WWC2: variants seen among roughly 807,000 people sequenced by gnomAD.
WWC2 encodes protein WWC2.
A neutral mutation model predicts 138.5 loss-of-function variants in WWC2; 101 were observed. That is an observed-to-expected ratio of 0.73 (90% CI 0.62 to 0.86). WWC2 has a LOEUF of 0.86. Among genes scored for constraint, WWC2 ranks in the 40% least tolerant of loss-of-function variants. The pLI, the probability that WWC2 is intolerant of heterozygous loss-of-function variation, is 0.00. For missense variants in WWC2, 1,420 were observed against 1,419.4 expected, an observed-to-expected ratio of 1.00 and a Z score of -0.01; for synonymous variants, 558 against 538.4, an observed-to-expected ratio of 1.04 and a Z score of -0.50.
chr4:183,155,400 G>C (rs1733777658), intron 1 of WWC2, among the ~76,000 whole-genome samples: 2 of 152,092 alleles, frequency 1.3e-5, no homozygotes, highest in African/African-American at 2.4e-5. Flanking sequence ...GGAGGCCTTG[G>C]ATATTGAGAG....
intron 15 of WWC2, 37 bp downstream of exon 15, chr4:183,269,200 T>C (rs1737616184): frequency 2.0e-6 from 3 of 1,495,872 alleles, no homozygotes; most frequent in Non-Finnish European, 2.7e-6. Flanking sequence ...CAAATAGCAC[T>C]TAGATTGGGT....
chr4:183,254,017 A>T lies in WWC2; in HGVS notation c.1196+18A>T, dbSNP rs1256013002. ...GCCGAGAGGTTTGTTTTCCTTCTGG[A>T]AATAGGGCAGCTTAACTCTTGTGGG... On this transcript the variant is annotated intron_variant, in intron 9 of 22. Coordinates refer to ENST00000403733, the MANE Select transcript of WWC2 (RefSeq NM_024949.6). 1 of 1,608,916 alleles carries T rather than the reference A, an allele frequency of 6.2e-7. No individual in the cohort carries two copies. Among genetic ancestry groups the T allele is most frequent in the Non-Finnish European group, 8.5e-7 (1 of 1,177,786 alleles).
intron 4 of WWC2, among the ~76,000 whole-genome samples, chr4:183,230,413 A>T (rs1259601034): frequency 6.6e-6 from 1 of 152,268 alleles, no homozygotes; most frequent in African/African-American, 2.4e-5. Flanking sequence ...ACAGTGGCTC[A>T]CACCTGTAAT....
chr4:183,291,892 A>G (rs1386551873), intron 21 of WWC2, among the ~76,000 whole-genome samples: 4 of 152,184 alleles, frequency 2.6e-5, no homozygotes, highest in Admixed American at 6.5e-5. Context: ...AAAGAATGTT[A>G]TAAAACTAAT....
chr4:183,222,547 T>A (rs557455554), intron 4 of WWC2, among the ~76,000 whole-genome samples: 3 of 152,204 alleles, frequency 2.0e-5, no homozygotes, highest in Non-Finnish European at 2.9e-5. Context: ...AAAGATATTT[T>A]AAAAAATAGA....
intron 1 of WWC2, among the ~76,000 whole-genome samples, chr4:183,157,506 A>G (rs1342554940): frequency 6.6e-6 from 1 of 151,740 alleles, no homozygotes; most frequent in African/African-American, 2.4e-5. Flanking sequence ...ATTTTTTTTT[A>G]TATATTTATT....
At chr4:183,217,655 G>GT (rs1400091167) in intron 4 of WWC2, among the ~76,000 whole-genome samples, 1 of 151,896 alleles carries the variant, frequency 6.6e-6, no homozygotes, top group African/African-American at 2.4e-5. Context: ...CTATATGGGA[G>GT]TAACAGCTGA....
At chr4:183,265,438 C>T (rs948429031) in intron 12 of WWC2, among the ~76,000 whole-genome samples, 3 of 152,168 alleles carry the variant, frequency 2.0e-5, no homozygotes, top group Non-Finnish European at 4.4e-5. Flanking sequence ...TGAAATGTCT[C>T]AAGGGTGTGG....
At chr4:183,134,296 A>G (rs966373320) in intron 1 of WWC2, among the ~76,000 whole-genome samples, 1 of 148,558 alleles carries the variant, frequency 6.7e-6, no homozygotes, top group African/African-American at 2.5e-5. Context: ...ATATTTCTGT[A>G]CTTCTACTTT....
intron 21 of WWC2, among the ~76,000 whole-genome samples, chr4:183,300,282 C>T (rs1333832511): frequency 9.9e-5 from 15 of 151,984 alleles, no homozygotes; most frequent in Admixed American, 9.8e-4. Flanking sequence ...GAAAAGCATG[C>T]CGAGAGAGGA....
Position 183,316,816 on chromosome 4 carries a change from T to C in WWC2, c.*1087T>C, listed in dbSNP as rs1198690341. On this transcript the variant is annotated 3_prime_UTR_variant, in exon 23 of 23. Transcript: ENST00000403733. The stretch of plus-strand genomic sequence containing the variant: ...GGTTCTATCTATAATTTATGGTAAA[T>C]AGTTGGGAGGCAAAGGGAAGAATGT... The C allele has an allele frequency of 6.6e-6, 1 of 152,150 alleles. No individual in the cohort carries two copies. The highest frequency in any genetic ancestry group is 6.5e-5 in the Admixed American group (1 of 15,280). The allele number at this position is 152,150 out of a possible 1,614,324, so 9.4% of individuals were successfully genotyped here. A position where few individuals can be genotyped will look rare whatever the true frequency, so the allele number is the denominator to read the frequency against.
At chr4:183,250,863 G>A (rs976493058) in intron 8 of WWC2, among the ~76,000 whole-genome samples, 19 of 152,160 alleles carry the variant, frequency 1.2e-4, no homozygotes, top group Non-Finnish European at 4.4e-5. Context: ...ACCAGATATT[G>A]AAGTATATTC....
At chr4:183,295,274 C>G (rs976395127) in intron 21 of WWC2, among the ~76,000 whole-genome samples, 1 of 152,204 alleles carries the variant, frequency 6.6e-6, no homozygotes, top group Non-Finnish European at 1.5e-5. Flanking sequence ...ATGTTCCATC[C>G]AACCTTGGAG....
chr4:183,125,387 T>C (rs1364765419), intron 1 of WWC2, among the ~76,000 whole-genome samples: 1 of 152,248 alleles, frequency 6.6e-6, no homozygotes. Context: ...TGTAATACTT[T>C]AAGTAAATTC....
At position 183,141,618 on chromosome 4, in the gene WWC2, T is replaced by C. The variant is rs75195959; in HGVS notation, c.131+41996T>C. On this transcript the variant is annotated intron_variant, in intron 1 of 22. Transcript: ENST00000403733. Reference sequence around the variant, plus strand: ...TATTACCAAGTGGCTAGATTCACCTTTGTATCACCAAAATACTTATTTCAA... The same window carrying C: ...TATTACCAAGTGGCTAGATTCACCTCTGTATCACCAAAATACTTATTTCAA... 1.8e-3 allele frequency among the ~76,000 whole-genome samples: 269 copies of C among 152,262 alleles called. 3 individuals are homozygous for C. The East Asian group carries it at 0.045, about 25-fold the overall frequency.
At chr4:183,209,307 A>G (rs1735531963) in intron 4 of WWC2, among the ~76,000 whole-genome samples, 4 of 152,154 alleles carry the variant, frequency 2.6e-5, no homozygotes, top group Admixed American at 6.5e-5. Flanking sequence ...AGCGCACTGC[A>G]ATCTCCGCCT....
chr4:183,145,085 A>G (rs995195577), intron 1 of WWC2, among the ~76,000 whole-genome samples: 4 of 152,144 alleles, frequency 2.6e-5, no homozygotes, highest in Non-Finnish European at 4.4e-5. Context: ...CAATTTAGCA[A>G]CTGCAGTTGG....
chr4:183,203,031 C>A (rs1275102522), intron 2 of WWC2, among the ~76,000 whole-genome samples: 4 of 152,176 alleles, frequency 2.6e-5, no homozygotes, highest in Non-Finnish European at 5.9e-5. Flanking sequence ...CAAGGTCACA[C>A]AATTTGTAAA....
At position 183,260,910 on chromosome 4, in the gene WWC2, C is replaced by T. The variant is rs758228382; in HGVS notation, c.1287C>T (p.Ser429=). 3 of 1,612,792 alleles carry T rather than the reference C, an allele frequency of 1.9e-6. No homozygotes were observed. In the African/African-American group the frequency reaches 4.0e-5, roughly 22 times the overall value. The change falls in exon 11 of 23, where the codon AGC becomes AGT. Residue 429 remains serine (S), a splice_region_variant and synonymous_variant. Coordinates refer to ENST00000403733, the MANE Select transcript of WWC2 (RefSeq NM_024949.6). ...LTTYLHSQLK[S]LSASTLSMSS... is the part of the protein sequence containing the mutation. Reference sequence around the variant, plus strand: ...ATGGTGTGTGCTTTTTGTCTTTCAGCCTCTCTGCCAGCACCCTGTCCATGT... The same window carrying T: ...ATGGTGTGTGCTTTTTGTCTTTCAGTCTCTCTGCCAGCACCCTGTCCATGT...
Sources: allele counts gnomAD v4.1 joint callset (sites outside exome capture counted in the v4.1 genomes callset), GRCh38; gene constraint gnomAD v4.1.1; transcripts MANE v1.5; gene names NCBI Gene and HGNC (gene_info 2026-07-23, HGNC 2026-07-21).